CCDC18: variants seen among roughly 807,000 people sequenced by gnomAD.
The protein encoded by CCDC18 is coiled-coil domain-containing protein 18.
A neutral mutation model predicts 196.0 loss-of-function variants in CCDC18; 157 were observed. The observed-to-expected ratio is 0.80, with a 90% CI of 0.70 to 0.91. CCDC18 has a LOEUF of 0.91. CCDC18 is among the 40% of genes least tolerant of loss of function. CCDC18 has a pLI of 0.00. For missense variants in CCDC18, 1,465 were observed against 1,611.6 expected, an observed-to-expected ratio of 0.91 and a Z score of 1.56; for synonymous variants, 482 against 529.2, an observed-to-expected ratio of 0.91 and a Z score of 1.22.
At chr1:93,273,772 C>T (rs1012081019) in intron 28 of CCDC18, among the ~76,000 whole-genome samples, 1 of 152,166 alleles carries the variant, frequency 6.6e-6, no homozygotes. Context: ...TGGTAAAAAT[C>T]GCACCTAATT....
intron 13 of CCDC18, among the ~76,000 whole-genome samples, chr1:93,217,157 A>G (rs1047635174): frequency 6.6e-6 from 1 of 151,804 alleles, no homozygotes; most frequent in Non-Finnish European, 1.5e-5. Flanking sequence ...GGATGGTCTC[A>G]TCTCCTGACC....
At chr1:93,183,682 TAAA>T (rs1245172915) in intron 2 of CCDC18, among the ~76,000 whole-genome samples, 187 bp downstream of exon 2, 1 of 152,070 alleles carries the variant, frequency 6.6e-6, no homozygotes, top group African/African-American at 2.4e-5. Context: ...CTTTGCATAT[TAAA>T]AACACTTTCA....
At chr1:93,268,384 C>T (rs1030317954) in intron 27 of CCDC18, among the ~76,000 whole-genome samples, 1 of 152,196 alleles carries the variant, frequency 6.6e-6, no homozygotes, top group African/African-American at 2.4e-5. Flanking sequence ...GCAAGGACTT[C>T]ATGACTGAAA....
intron 6 of CCDC18, among the ~76,000 whole-genome samples, chr1:93,198,849 G>A (rs535627327): frequency 1.3e-5 from 2 of 152,182 alleles, no homozygotes; most frequent in South Asian, 2.1e-4. Flanking sequence ...GTCTCACTGT[G>A]TTGCCCAGGC....
chr1:93,212,193 A>G lies in CCDC18; in HGVS notation c.1427A>G (p.Asp476Gly), dbSNP rs746095937. Residue 476 changes from aspartate (D) to glycine (G), a missense_variant, in exon 11 of 29, where the codon GAC becomes GGC. Transcript: ENST00000690025. ...TCTCAGAGTCTTATTACTTGTAATGACAGCCAAGAAAGTAGCAAATTAAGT... is the reference window on the plus strand; with the variant it reads ...TCTCAGAGTCTTATTACTTGTAATGGCAGCCAAGAAAGTAGCAAATTAAGT... ...QLSQSLITCNDSQESSKLSSL... is the reference protein window; with the variant it reads ...QLSQSLITCNGSQESSKLSSL... 1 of 1,610,854 alleles carries G rather than the reference A, an allele frequency of 6.2e-7. No individual in the cohort carries two copies. Among genetic ancestry groups the G allele is most frequent in the African/African-American group, 1.3e-5 (1 of 74,976 alleles).
rs938687654 is a variant in CCDC18 at position 93,210,999 on chromosome 1, G to T, written c.1334+73G>T. 6.5e-5 allele frequency: 97 copies of T among 1,482,156 alleles called. 1 individual carries two copies. The highest frequency in any genetic ancestry group is 1.2e-5 in the Non-Finnish European group (13 of 1,070,160). 91.8% of individuals were successfully genotyped at this position (1,482,156 alleles called of 1,614,324 possible). A position where few individuals can be genotyped will look rare whatever the true frequency, so the allele number is the denominator to read the frequency against. On this transcript the variant is annotated intron_variant, in intron 10 of 28. Coordinates refer to ENST00000690025, the MANE Select transcript of CCDC18 (RefSeq NM_001378204.1). ...TGGTAATTAAGACCCTTAATTGGCC[G>T]GGCATGGTGGCTCATGCCTGTAATC...
intron 28 of CCDC18, among the ~76,000 whole-genome samples, chr1:93,276,659 T>G (rs1665637668): frequency 6.6e-6 from 1 of 152,132 alleles, no homozygotes; most frequent in South Asian, 2.1e-4. Context: ...ATTTTCAAAT[T>G]CACACCCTCA....
At chr1:93,191,404 T>C (rs1651776906) in intron 4 of CCDC18, among the ~76,000 whole-genome samples, 1 of 152,278 alleles carries the variant, frequency 6.6e-6, no homozygotes, top group African/African-American at 2.4e-5. Context: ...GTATCCCTGG[T>C]TTTTCATTGG....
chr1:93,220,560 C>A (rs1657250265), intron 14 of CCDC18, among the ~76,000 whole-genome samples: 1 of 152,008 alleles, frequency 6.6e-6, no homozygotes, highest in East Asian at 1.9e-4. Context: ...ATACATGTGA[C>A]AACGACAGTG....
In CCDC18 at chr1:93,212,100, G is replaced by A; in HGVS notation, c.1335-1G>A. ...TTTTCCCTTCTTTTCTTTTGTGCCA[G>A]AATTAAGCTTGCAATAAAAGAGGCA... On this transcript the variant is annotated splice_acceptor_variant, in intron 10 of 28. Transcript: ENST00000690025. LOFTEE classifies it high-confidence loss of function. The A allele has an allele frequency of 6.3e-7, 1 of 1,593,532 alleles. No individual in the cohort carries two copies.
At chr1:93,210,978 A>G (rs1655520012) in intron 10 of CCDC18, 52 bp downstream of exon 10, 1 of 1,590,848 alleles carries the variant, frequency 6.3e-7, no homozygotes, top group Non-Finnish European at 8.6e-7. Flanking sequence ...TTTTATTGGT[A>G]ATTAAGACCC....
chr1:93,276,172 C>G (rs574344082), intron 28 of CCDC18, among the ~76,000 whole-genome samples: 1 of 152,160 alleles, frequency 6.6e-6, no homozygotes, highest in South Asian at 2.1e-4. Flanking sequence ...ATGTGGAAAC[C>G]GATACATGAG....
Position 93,236,342 on chromosome 1 carries a change from A to C in CCDC18, c.2555A>C (p.Glu852Ala). 1 of 1,584,554 alleles carries C rather than the reference A, an allele frequency of 6.3e-7. No individual in the cohort carries two copies. Among genetic ancestry groups the C allele is most frequent in the Admixed American group, 1.9e-5 (1 of 52,310 alleles). Residue 852 changes from glutamate (E) to alanine (A), a missense_variant, in exon 19 of 29, where the codon GAA becomes GCA. Physicochemically the swap from Glu to Ala is moderately radical, Grantham distance 107. Coordinates refer to ENST00000690025, the MANE Select transcript of CCDC18 (RefSeq NM_001378204.1). ...GAGAAATGTGAATCAGCTGCACATG[A>C]AGCAGATTTGAAAAGGCAAAAAGTG... ...MEEKCESAAHEADLKRQKVIE... is the reference protein window; with the variant it reads ...MEEKCESAAHAADLKRQKVIE...
Position 93,254,600 on chromosome 1 carries a change from A to G in CCDC18, c.3328A>G (p.Lys1110Glu). 6.2e-7 allele frequency: 1 copy of G among 1,610,302 alleles called. No homozygotes were observed. Among genetic ancestry groups the G allele is most frequent in the Non-Finnish European group, 8.5e-7 (1 of 1,178,716 alleles). Reference sequence around the variant, plus strand: ...AATTGAAAGAACACAACAAAGGATGAAAGAAATGGAGAGTGTAAGCAAATT... The same window carrying G: ...AATTGAAAGAACACAACAAAGGATGGAAGAAATGGAGAGTGTAAGCAAATT... ...KEIERTQQRM[K>E]EMESVMKEQE... The change falls in exon 24 of 29, where the codon AAA (lysine) becomes GAA (glutamate). Residue 1110 changes from lysine to glutamate, a missense_variant. Coordinates refer to ENST00000690025, the MANE Select transcript of CCDC18 (RefSeq NM_001378204.1).
chr1:93,269,309 G>A (rs987607896), intron 27 of CCDC18, among the ~76,000 whole-genome samples: 1 of 151,046 alleles, frequency 6.6e-6, no homozygotes, highest in Non-Finnish European at 1.5e-5. Flanking sequence ...ATAGCATTAA[G>A]AGAAATCCCT....
At chr1:93,272,202 A>G (rs1226438103) in intron 28 of CCDC18, among the ~76,000 whole-genome samples, 2 of 152,180 alleles carry the variant, frequency 1.3e-5, no homozygotes, top group Non-Finnish European at 2.9e-5. Flanking sequence ...ATGTCTATCT[A>G]CTTGTTTATT....
At chr1:93,264,473 G>A (rs546461768) in intron 26 of CCDC18, among the ~76,000 whole-genome samples, 3 of 152,108 alleles carry the variant, frequency 2.0e-5, no homozygotes, top group African/African-American at 7.2e-5. Flanking sequence ...CCCAAATAGA[G>A]TCCATTGCAT....
intron 27 of CCDC18, 89 bp downstream of exon 27, chr1:93,264,990 A>G (rs562289495): frequency 6.1e-6 from 5 of 814,444 alleles, no homozygotes; most frequent in South Asian, 4.8e-5. Context: ...ATAGAGGACT[A>G]TATGACCAAA....
chr1:93,180,403 C>T (rs959225044), upstream of CCDC18: 3 of 1,220,778 alleles, frequency 2.5e-6, no homozygotes, highest in African/African-American at 3.2e-5. Context: ...GAAAGAGAAG[C>T]GCAGTTCTCC....
Sources: gnomAD v4.1 joint callset for allele counts (sites outside exome capture counted in the v4.1 genomes callset) on GRCh38, gnomAD v4.1.1 for gene constraint, MANE v1.5 for transcripts, NCBI Gene and HGNC (gene_info 2026-07-23, HGNC 2026-07-21) for gene names.